Variants in FGF14 observed in about 807,000 individuals in gnomAD.
FGF14 encodes the protein fibroblast growth factor 14.
In FGF14, 5 loss-of-function variants were observed where a neutral mutation model predicts 25.5. The ratio of observed to expected loss-of-function variants is 0.20; its 90% CI spans 0.10 to 0.41. FGF14 has a LOEUF of 0.41. Among genes scored for constraint, FGF14 ranks in the 10% least tolerant of loss-of-function variants. FGF14 has a pLI of 1.00. For synonymous variants in FGF14, 138 were observed against 118.3 expected (o/e 1.17, Z -1.08); for missense variants, 222 against 320.1 (o/e 0.69, Z 2.34).
rs1334245940 is a variant in FGF14, at chr13:101,718,960, G to T, written c.*3871C>A. 1 of 151,794 alleles carries T rather than the reference G, an allele frequency of 6.6e-6. No individual in the cohort carries two copies. The highest frequency in any genetic ancestry group is 1.9e-4 in the East Asian group (1 of 5,152). The allele number at this position is 151,794 out of a possible 1,614,324, so 9.4% of individuals were successfully genotyped here. ...TAAGACCATGTACATCCTGGATTTT[G>T]ATATGCCTGCATTTTGGAAAAAAAA... On this transcript the variant is annotated 3_prime_UTR_variant, in exon 5 of 5. Coordinates refer to ENST00000376143, the MANE Select transcript of FGF14 (RefSeq NM_004115.4).
At position 101,714,473 on chromosome 13, in the gene FGF14, G is replaced by A. The variant is rs779105162; in HGVS notation, c.*8358C>T. ...TTGTGGGAAGTGCATTTGTTCTGCT[G>A]AAGAGTGGTATATTTCTGGGGAGTT... On this transcript the variant is annotated 3_prime_UTR_variant, in exon 5 of 5. Coordinates refer to ENST00000376143, the MANE Select transcript of FGF14 (RefSeq NM_004115.4). 3 of 1,612,248 alleles carry A rather than the reference G, an allele frequency of 1.9e-6. No homozygotes were observed. Among genetic ancestry groups the A allele is most frequent in the East Asian group, 4.5e-5 (2 of 44,846 alleles).
chr13:101,892,414 A>C (rs2029886889), intron 1 of FGF14, among the ~76,000 whole-genome samples: 1 of 152,176 alleles, frequency 6.6e-6, no homozygotes, highest in African/African-American at 2.4e-5. Flanking sequence ...AAAGCTAATT[A>C]AGATCAAAAC....
At chr13:101,785,101 A>G (rs917472521) in intron 3 of FGF14, among the ~76,000 whole-genome samples, 1 of 152,212 alleles carries the variant, frequency 6.6e-6, no homozygotes, top group Non-Finnish European at 1.5e-5. Context: ...TGAGAAGTGC[A>G]GTCATTACAT....
At chr13:102,122,837 T>C (rs1326069921) in intron 1 of FGF14, among the ~76,000 whole-genome samples, 1 of 152,168 alleles carries the variant, frequency 6.6e-6, no homozygotes, top group Non-Finnish European at 1.5e-5. Context: ...CCCAGATAAC[T>C]CTGTAAGATG....
Position 102,390,651 on chromosome 13 carries a change from A to T in FGF14, c.208+10820T>A, listed in dbSNP as rs1489555721. On this transcript the variant is annotated intron_variant, in intron 1 of 4. Transcript: ENST00000376131. ...GCTTCATAATTTTTAACAGAAGTAT[A>T]AAAGATTTTCCTGTGATTTTAAAGA... Among the ~76,000 whole-genome samples, 4 of 152,232 alleles carry T rather than the reference A, an allele frequency of 2.6e-5. 1 individual carries two copies. In the East Asian group the frequency reaches 7.7e-4, roughly 29 times the overall value.
chr13:101,966,641 C>T (rs1252569838), intron 1 of FGF14, among the ~76,000 whole-genome samples: 3 of 152,096 alleles, frequency 2.0e-5, no homozygotes, highest in Admixed American at 1.3e-4. Context: ...CACCACCACG[C>T]CCAGCTAATT....
chr13:102,346,455 AC>A (rs113057880), intron 1 of FGF14, among the ~76,000 whole-genome samples: 29,193 of 152,046 alleles, frequency 0.19, 2,831 homozygotes, highest in Non-Finnish European at 0.21. Flanking sequence ...CTGAATTCAA[AC>A]CCTAGATTGT....
At chr13:101,732,454 A>T (rs1346017059) in intron 3 of FGF14, among the ~76,000 whole-genome samples, 1 of 152,232 alleles carries the variant, frequency 6.6e-6, no homozygotes, top group African/African-American at 2.4e-5. Flanking sequence ...AATAATAGCT[A>T]CTAATATATT....
intron 1 of FGF14, among the ~76,000 whole-genome samples, chr13:102,013,919 T>C (rs2040208691): frequency 6.6e-6 from 1 of 152,176 alleles, no homozygotes; most frequent in African/African-American, 2.4e-5. Context: ...GCAGACGTCT[T>C]CCAATAGAAA....
Position 101,933,364 on chromosome 13 carries a change from C to T in FGF14, c.209-58068G>A, listed in dbSNP as rs1034612131. On this transcript the variant is annotated intron_variant, in intron 1 of 4. Coordinates refer to the FGF14 transcript ENST00000376131. The stretch of plus-strand genomic sequence containing the variant: ...TGAGAGCAATAAATAAGAAGTTATC[C>T]GGTACAAGATTTGCTAACTGTCTTT... Among the ~76,000 whole-genome samples the T allele has an allele frequency of 1.1e-4, 16 of 152,174 alleles. No homozygotes were observed. In the East Asian group the frequency reaches 1.7e-3, roughly 17 times the overall value.
rs2058681529 is a variant in FGF14, at chr13:102,400,625, T to G, written c.208+846A>C. 6.6e-6 allele frequency among the ~76,000 whole-genome samples: 1 copy of G among 152,190 alleles called. No individual in the cohort carries two copies. Among genetic ancestry groups the G allele is most frequent in the South Asian group, 2.1e-4 (1 of 4,826 alleles). ...CCAAATCAGATGCATTTGCATTTCTTATGTAATGTACTGCAAGTTCCCTTG... is the reference window on the plus strand; with the variant it reads ...CCAAATCAGATGCATTTGCATTTCTGATGTAATGTACTGCAAGTTCCCTTG... On this transcript the variant is annotated intron_variant, in intron 1 of 4. Transcript: ENST00000376131. The surrounding 1 kb of genome is among the most constrained non-coding windows in gnomAD (Gnocchi z 4.3).
intron 1 of FGF14, among the ~76,000 whole-genome samples, chr13:102,200,250 C>T (rs540042335): frequency 2.4e-4 from 37 of 152,136 alleles, no homozygotes; most frequent in South Asian, 4.1e-4. Context: ...AATATATGTG[C>T]ATTTATATAT....
At chr13:101,961,527 A>C (rs1326952354) in intron 1 of FGF14, among the ~76,000 whole-genome samples, 1 of 152,020 alleles carries the variant, frequency 6.6e-6, no homozygotes, top group East Asian at 1.9e-4. Flanking sequence ...TGAGTTCTCT[A>C]TTCTGTTCCA....
At chr13:102,303,258 T>C (rs552729323) in intron 1 of FGF14, among the ~76,000 whole-genome samples, 1 of 152,288 alleles carries the variant, frequency 6.6e-6, no homozygotes, top group South Asian at 2.1e-4. Context: ...TCCTTAACCA[T>C]CCTACACAAA....
intron 1 of FGF14, among the ~76,000 whole-genome samples, chr13:102,008,651 GT>G (rs113088632): frequency 9.9e-5 from 15 of 151,162 alleles, no homozygotes; most frequent in Middle Eastern, 3.4e-3. Context: ...CTTTCCACGT[GT>G]TTTTTTTTAT....
chr13:101,920,779 GTTA>G (rs2033945409), upstream of FGF14, among the ~76,000 whole-genome samples: 1 of 152,098 alleles, frequency 6.6e-6, no homozygotes, highest in Admixed American at 6.5e-5. Flanking sequence ...TCAAACCTTA[GTTA>G]TTATTAACTA....
chr13:102,086,997 G>A (rs1321093348), intron 1 of FGF14, among the ~76,000 whole-genome samples: 2 of 152,186 alleles, frequency 1.3e-5, no homozygotes, highest in African/African-American at 2.4e-5. Flanking sequence ...TTACCTGGAA[G>A]CTCCTCTATG....
chr13:101,764,596 G>A (rs377069032), intron 3 of FGF14, among the ~76,000 whole-genome samples: 7 of 152,172 alleles, frequency 4.6e-5, no homozygotes, highest in Admixed American at 6.5e-5. Context: ...TGCTTATTCT[G>A]AGCAGTTTCT....
At chr13:102,327,530 C>T (rs60314188) in intron 1 of FGF14, among the ~76,000 whole-genome samples, 1 of 152,126 alleles carries the variant, frequency 6.6e-6, no homozygotes, top group Non-Finnish European at 1.5e-5. Flanking sequence ...GACTGTACTA[C>T]GATCATGAAA....
Sources: gnomAD v4.1 joint callset for allele counts (sites outside exome capture counted in the v4.1 genomes callset) on GRCh38, gnomAD v4.1.1 for gene constraint, Gnocchi (gnomAD v3.1) non-coding constraint, MANE v1.5 for transcripts, NCBI Gene and HGNC (gene_info 2026-07-23, HGNC 2026-07-21) for gene names.